The following UNC5C variants were observed in gnomAD, a reference collection of about 807,000 sequenced individuals.
The protein encoded by UNC5C is unc-5 netrin receptor C, also known as netrin receptor UNC5C.
UNC5C carries 47 observed loss-of-function variants against 99.8 expected under a neutral mutation model. The observed-to-expected ratio is 0.47, with a 90% CI of 0.37 to 0.60. The LOEUF (loss-of-function observed/expected upper bound fraction) is 0.60. UNC5C is among the 20% of genes least tolerant of loss of function. The pLI is 0.00. For synonymous variants in UNC5C, 487 were observed against 452.2 expected (o/e 1.08, Z -0.98); for missense variants, 1,062 against 1,165.9 (o/e 0.91, Z 1.30).
chr4:95,534,590 T>G (rs1722729311), intron 1 of UNC5C, among the ~76,000 whole-genome samples: 1 of 152,174 alleles, frequency 6.6e-6, no homozygotes, highest in Non-Finnish European at 1.5e-5. Flanking sequence ...GAAAACATTT[T>G]CAAGTAGAAC....
chr4:95,487,114 C>A (rs1287122066), intron 1 of UNC5C, among the ~76,000 whole-genome samples: 1 of 151,736 alleles, frequency 6.6e-6, no homozygotes, highest in Non-Finnish European at 1.5e-5. Context: ...GCAATAAATT[C>A]ATGTTCACTA....
intron 2 of UNC5C, among the ~76,000 whole-genome samples, chr4:95,311,867 G>C (rs765154218): frequency 3.3e-5 from 5 of 152,064 alleles, no homozygotes; most frequent in Non-Finnish European, 5.9e-5. Context: ...AACATAAAGA[G>C]ACCCTGTCTC....
At chr4:95,357,121 T>C (rs1744232091) in intron 1 of UNC5C, among the ~76,000 whole-genome samples, 1 of 122,156 alleles carries the variant, frequency 8.2e-6, no homozygotes, top group African/African-American at 3.8e-5. Context: ...TGATTTCTTG[T>C]TTTCCTTTTT....
intron 7 of UNC5C, among the ~76,000 whole-genome samples, chr4:95,234,787 T>C (rs1297805599): frequency 6.6e-6 from 1 of 152,192 alleles, no homozygotes. Context: ...AATACATATA[T>C]ATTATATGTT....
chr4:95,496,169 C>A (rs1224325515), intron 1 of UNC5C, among the ~76,000 whole-genome samples: 1 of 151,728 alleles, frequency 6.6e-6, no homozygotes, highest in African/African-American at 2.4e-5. Context: ...AGAAGAGTGG[C>A]ATCCTGTTCT....
At chr4:95,532,449 TAA>T (rs372395809) in intron 1 of UNC5C, among the ~76,000 whole-genome samples, 104 of 141,408 alleles carry the variant, frequency 7.4e-4, no homozygotes, top group East Asian at 6.9e-3. Flanking sequence ...CCAACATCAT[TAA>T]AAAAAAAAAA....
intron 4 of UNC5C, among the ~76,000 whole-genome samples, chr4:95,254,689 A>G (rs1037533503): frequency 1.3e-5 from 2 of 152,308 alleles, no homozygotes; most frequent in African/African-American, 4.8e-5. Context: ...AAAGTTTGAG[A>G]AGCATGATTT....
chr4:95,244,976 C>G lies in UNC5C; in HGVS notation c.943+1G>C. 1 of 1,613,660 alleles carries G rather than the reference C, an allele frequency of 6.2e-7. No homozygotes were observed. Among genetic ancestry groups the G allele is most frequent in the Non-Finnish European group, 8.5e-7 (1 of 1,179,864 alleles). ...TGGAATGAGAGGACTGGTTTATTTA[C>G]CTGGGCATAACGTAGTACAGGCTAT... On this transcript the variant is annotated splice_donor_variant, in intron 6 of 15. Coordinates refer to ENST00000453304, the MANE Select transcript of UNC5C (RefSeq NM_003728.4). LOFTEE classifies it high-confidence loss of function.
At chr4:95,304,386 C>A (rs944937638) in intron 2 of UNC5C, among the ~76,000 whole-genome samples, 1 of 152,156 alleles carries the variant, frequency 6.6e-6, no homozygotes, top group Non-Finnish European at 1.5e-5. Flanking sequence ...ACTAATGTAA[C>A]AATCCTCTCA....
chr4:95,513,727 G>C (rs575214456), intron 1 of UNC5C, among the ~76,000 whole-genome samples: 124 of 152,240 alleles, frequency 8.1e-4, no homozygotes, highest in African/African-American at 2.9e-3. Flanking sequence ...TTTAGAGCAG[G>C]CTGGCAAAAG....
Position 95,512,987 on chromosome 4 carries a change from G to A in UNC5C, c.124+35747C>T, listed in dbSNP as rs147539725. ...TCTGCATCTACGTGCATTACCGCCT[G>A]CAAAGATGTCCTTCAACAACAACAA... On this transcript the variant is annotated intron_variant, in intron 1 of 15. Coordinates refer to ENST00000453304, the MANE Select transcript of UNC5C (RefSeq NM_003728.4). Among the ~76,000 whole-genome samples, 146 of 152,232 alleles carry A rather than the reference G, an allele frequency of 9.6e-4. 3 individuals carry two copies. The East Asian group carries it at 0.022, about 23-fold the overall frequency.
At chr4:95,296,821 T>C (rs1489524668) in intron 3 of UNC5C, among the ~76,000 whole-genome samples, 1 of 152,252 alleles carries the variant, frequency 6.6e-6, no homozygotes, top group East Asian at 1.9e-4. Flanking sequence ...CTTTTTGTTC[T>C]TTTTAAACAT....
chr4:95,178,872 T>G (rs532237628), intron 14 of UNC5C, among the ~76,000 whole-genome samples: 1 of 152,218 alleles, frequency 6.6e-6, no homozygotes, highest in Admixed American at 6.5e-5. Context: ...TGAAACAAGC[T>G]CAATAGGGCA....
chr4:95,543,083 C>T (rs1028124026), intron 1 of UNC5C, among the ~76,000 whole-genome samples: 1 of 152,048 alleles, frequency 6.6e-6, no homozygotes, highest in Non-Finnish European at 1.5e-5. Context: ...CTAAGAGATA[C>T]TGGAATAATA....
chr4:95,233,304 CTT>C (rs1275495095), intron 7 of UNC5C, among the ~76,000 whole-genome samples: 4 of 152,154 alleles, frequency 2.6e-5, no homozygotes, highest in Non-Finnish European at 5.9e-5. Flanking sequence ...CCAAGCAGTT[CTT>C]GTTAGTAAAT....
intron 4 of UNC5C, among the ~76,000 whole-genome samples, chr4:95,260,148 G>T (rs1010692588): frequency 5.9e-5 from 9 of 152,076 alleles, no homozygotes; most frequent in African/African-American, 2.2e-4. Context: ...GTTTTCATGG[G>T]ACTCAAAATT....
chr4:95,264,420 G>A (rs1175444307), intron 4 of UNC5C, among the ~76,000 whole-genome samples: 2 of 152,030 alleles, frequency 1.3e-5, no homozygotes, highest in African/African-American at 4.8e-5. Context: ...CAATATTTTT[G>A]TAATTTTCCT....
At chr4:95,465,110 C>T (rs772762234) in intron 1 of UNC5C, among the ~76,000 whole-genome samples, 3 of 152,126 alleles carry the variant, frequency 2.0e-5, no homozygotes, top group Admixed American at 6.5e-5. Context: ...TAAGGCGCAT[C>T]GTTCCAAATG....
intron 1 of UNC5C, among the ~76,000 whole-genome samples, chr4:95,392,652 G>T (rs1244886091): frequency 6.6e-6 from 1 of 151,656 alleles, no homozygotes; most frequent in Non-Finnish European, 1.5e-5. Context: ...TGTTGCTCAG[G>T]CTGGTCTCGA....
Sources: gnomAD v4.1 joint callset for allele counts (sites outside exome capture counted in the v4.1 genomes callset) on GRCh38, gnomAD v4.1.1 for gene constraint, MANE v1.5 for transcripts, NCBI Gene and HGNC (gene_info 2026-07-23, HGNC 2026-07-21) for gene names.